Variants in KALRN observed in about 807,000 individuals in gnomAD.
KALRN encodes kalirin RhoGEF kinase.
KALRN carries 70 observed loss-of-function variants against 353.7 expected under a neutral mutation model. The ratio of observed to expected loss-of-function variants is 0.20; its 90% CI spans 0.16 to 0.24. The LOEUF (loss-of-function observed/expected upper bound fraction) is 0.24, where lower values mean the gene tolerates loss of function less well. KALRN is among the 10% of genes least tolerant of loss of function. KALRN has a pLI of 1.00. For missense variants in KALRN, 2,791 were observed against 3,756.7 expected, an observed-to-expected ratio of 0.74 and a Z score of 6.72; for synonymous variants, 1,391 against 1,434.8, an observed-to-expected ratio of 0.97 and a Z score of 0.69.
chr3:124,305,827 A>T (rs893838941), intron 6 of KALRN, among the ~76,000 whole-genome samples: 3 of 152,214 alleles, frequency 2.0e-5, no homozygotes, highest in Non-Finnish European at 4.4e-5. Context: ...TCAACAAAAA[A>T]ATTATGACAC....
At chr3:124,116,786 T>C (rs1175044671) in intron 1 of KALRN, among the ~76,000 whole-genome samples, 1 of 152,224 alleles carries the variant, frequency 6.6e-6, no homozygotes, top group African/African-American at 2.4e-5. Context: ...AACAATATAA[T>C]GGAAGTTATG....
rs2059961578 is a variant in KALRN at position 124,462,646 on chromosome 3, A to G, written c.4031+13A>G. The G allele has an allele frequency of 1.4e-6, 2 of 1,454,474 alleles. No homozygotes were observed. The highest frequency in any genetic ancestry group is 1.9e-6 in the Non-Finnish European group (2 of 1,035,170). The allele number at this position is 1,454,474 out of a possible 1,614,324, so 90.1% of individuals were successfully genotyped here. ...ATTTCCATAACAAGTAGGTTTGTGG[A>G]GGGTCTCAGAGGTGCACACTTAGGC... On this transcript the variant is annotated intron_variant, in intron 25 of 59. Coordinates refer to ENST00000682506, the MANE Select transcript of KALRN (RefSeq NM_001388419.1).
chr3:124,176,352 G>A (rs996377226), intron 1 of KALRN, among the ~76,000 whole-genome samples: 4 of 152,168 alleles, frequency 2.6e-5, no homozygotes, highest in African/African-American at 4.8e-5. Context: ...TATCCACGCA[G>A]ATTACCCACA....
chr3:124,353,591 A>C (rs1260449431), intron 10 of KALRN, among the ~76,000 whole-genome samples: 1 of 152,162 alleles, frequency 6.6e-6, no homozygotes, highest in Non-Finnish European at 1.5e-5. Context: ...GTTAATATGC[A>C]GTGATGCAGT....
intron 10 of KALRN, among the ~76,000 whole-genome samples, chr3:124,357,977 G>T (rs1426007869): frequency 2.6e-5 from 4 of 152,152 alleles, no homozygotes; most frequent in Admixed American, 6.5e-5. Flanking sequence ...AAGAGAGGTA[G>T]ATCAGATGAA....
At chr3:124,571,695 T>C (rs909057805) in intron 34 of KALRN, among the ~76,000 whole-genome samples, 5 of 152,140 alleles carry the variant, frequency 3.3e-5, no homozygotes, top group Non-Finnish European at 5.9e-5. Flanking sequence ...ATTTTTTTTC[T>C]ATTTTTTATT....
intron 13 of KALRN, among the ~76,000 whole-genome samples, chr3:124,403,146 G>C (rs2091081602): frequency 6.6e-6 from 1 of 152,200 alleles, no homozygotes; most frequent in East Asian, 1.9e-4. Flanking sequence ...TCCCCGAGGA[G>C]CTCTCTTTTT....
chr3:124,439,837 G>A (rs371324589), intron 18 of KALRN, among the ~76,000 whole-genome samples: 11 of 152,242 alleles, frequency 7.2e-5, no homozygotes, highest in Admixed American at 1.3e-4. Flanking sequence ...TCCTCTGATC[G>A]CCTCTCTTCT....
chr3:124,331,198 A>T (rs1226075518), intron 8 of KALRN, among the ~76,000 whole-genome samples: 1 of 152,236 alleles, frequency 6.6e-6, no homozygotes, highest in Non-Finnish European at 1.5e-5. Flanking sequence ...AAAATATGGA[A>T]CCAGCCTAAA....
rs1012616844 is a variant in KALRN at position 124,236,145 on chromosome 3, G to GT, written c.263+1213dup. ...AACAAGTAGATGCTGAATAGTGTCT[G>GT]TTTTTTTTTTTCTTTATGATATCCA... On this transcript the variant is annotated intron_variant, in intron 3 of 59. Transcript: ENST00000682506. Among the ~76,000 whole-genome samples the GT allele has an allele frequency of 1.4e-3, 198 of 136,956 alleles. No individual in the cohort carries two copies. The East Asian group carries it at 0.029, about 20-fold the overall frequency. 89.8% of individuals were successfully genotyped at this position (136,956 alleles called of 152,430 possible).
chr3:124,212,844 CA>C (rs2077014828), intron 1 of KALRN, among the ~76,000 whole-genome samples: 1 of 152,004 alleles, frequency 6.6e-6, no homozygotes, highest in African/African-American at 2.4e-5. Context: ...GTTTAGTTTG[CA>C]TTTTCTTTAT....
At chr3:124,574,448 C>CATG (rs1020276058) in intron 34 of KALRN, among the ~76,000 whole-genome samples, 2 of 152,200 alleles carry the variant, frequency 1.3e-5, no homozygotes, top group Non-Finnish European at 2.9e-5. Flanking sequence ...GTGACATCTA[C>CATG]ATGATGATGA....
intron 14 of KALRN, among the ~76,000 whole-genome samples, chr3:124,415,730 T>C (rs2092458259): frequency 6.6e-6 from 1 of 152,174 alleles, no homozygotes; most frequent in Admixed American, 6.5e-5. Flanking sequence ...TGTGGTTCAA[T>C]TAGCCCTCCA....
chr3:124,430,529 G>T, intron 15 of KALRN, 127 bp from the exon 16 acceptor site: 2 of 1,112,600 alleles, frequency 1.8e-6, no homozygotes, highest in Non-Finnish European at 2.6e-6. Context: ...GGTGACATTT[G>T]CTGTCCTCTC....
chr3:124,221,304 C>T (rs2077880976), intron 1 of KALRN, among the ~76,000 whole-genome samples: 1 of 152,158 alleles, frequency 6.6e-6, no homozygotes, highest in Non-Finnish European at 1.5e-5. Context: ...TGGAGACTGA[C>T]CTGATGGATC....
intron 25 of KALRN, among the ~76,000 whole-genome samples, chr3:124,467,711 G>C (rs1484545374): frequency 6.6e-6 from 1 of 152,194 alleles, no homozygotes; most frequent in African/African-American, 2.4e-5. Context: ...GGTAGGCTGG[G>C]TCTTCTCACA....
At chr3:124,292,523 G>GC (rs2076508588) in intron 5 of KALRN, among the ~76,000 whole-genome samples, 1 of 152,156 alleles carries the variant, frequency 6.6e-6, no homozygotes, top group Non-Finnish European at 1.5e-5. Flanking sequence ...CAGCAGGAAG[G>GC]CACCAGTGCC....
chr3:124,064,402 T>C (rs1242500144), intron 1 of KALRN, among the ~76,000 whole-genome samples: 1 of 152,176 alleles, frequency 6.6e-6, no homozygotes, highest in African/African-American at 2.4e-5. Context: ...GCTAGGGGCT[T>C]TCAGGACTTT....
Position 124,717,408 on chromosome 3 carries a change from T to C in KALRN, c.8415+23T>C, listed in dbSNP as rs370030904. The C allele has an allele frequency of 1.8e-4, 282 of 1,559,210 alleles. 1 individual carries two copies. The highest frequency in any genetic ancestry group is 3.6e-4 in the South Asian group (30 of 82,954). On this transcript the variant is annotated intron_variant, in intron 59 of 59. Transcript: ENST00000682506. ...AAGGTAATAAGAAGTGGCAACCTGC[T>C]GGGCGCAGTGGCTCACGCCTGAAAT...
Sources: gnomAD v4.1 joint callset for allele counts (sites outside exome capture counted in the v4.1 genomes callset) on GRCh38, gnomAD v4.1.1 for gene constraint, MANE v1.5 for transcripts, NCBI Gene and HGNC (gene_info 2026-07-23, HGNC 2026-07-21) for gene names.